Variants in CD200R1 observed in about 807,000 individuals in gnomAD.
CD200R1 encodes cell surface glycoprotein CD200 receptor 1.
In CD200R1, 30 loss-of-function variants were observed where a neutral mutation model predicts 38.1. The ratio of observed to expected loss-of-function variants is 0.79; its 90% CI spans 0.59 to 1.07. The LOEUF (loss-of-function observed/expected upper bound fraction) is 1.07, where lower values mean the gene tolerates loss of function less well. CD200R1 is among the 50% of genes least tolerant of loss of function. The probability of loss-of-function intolerance (pLI) is 0.00; values close to 1 mark genes in which losing one functional copy is unlikely to be tolerated. For synonymous variants in CD200R1, 128 were observed against 152.1 expected (o/e 0.84, Z 1.16); for missense variants, 372 against 415.4 (o/e 0.90, Z 0.91).
chr3:112,925,363 T>A (rs1455261576), intron 5 of CD200R1, among the ~76,000 whole-genome samples, 170 bp from the exon 6 acceptor site: 2 of 152,106 alleles, frequency 1.3e-5, no homozygotes, highest in African/African-American at 2.4e-5. Context: ...ACATATTGTA[T>A]GATTCCAATT....
At position 112,922,396 on chromosome 3, in the gene CD200R1, G is replaced by GGGGA. The variant is rs2107297144; in HGVS notation, c.*1277_*1280dup. 1 of 152,000 alleles carries GGGGA rather than the reference G, an allele frequency of 6.6e-6. No homozygotes were observed. The highest frequency in any genetic ancestry group is 6.6e-5 in the Admixed American group (1 of 15,240). The allele number at this position is 152,000 out of a possible 1,614,324, so 9.4% of individuals were successfully genotyped here. Reference sequence around the variant, plus strand: ...ATATTTTGCTCCACAAAAATATGGAGGGGAGGGTCATGCCATCCCATGGCC... The same window carrying GGGGA: ...ATATTTTGCTCCACAAAAATATGGAGGGGAGGGAGGGTCATGCCATCCCATGGCC... On this transcript the variant is annotated 3_prime_UTR_variant, in exon 8 of 8. Coordinates refer to ENST00000308611, the MANE Select transcript of CD200R1 (RefSeq NM_138806.4).
chr3:112,970,533 T>C (rs533014171), intron 1 of CD200R1, among the ~76,000 whole-genome samples: 1 of 152,292 alleles, frequency 6.6e-6, no homozygotes, highest in African/African-American at 2.4e-5. Flanking sequence ...CAGTCAGCAA[T>C]TGACAAATGT....
At chr3:112,955,263 T>C (rs989426141) in intron 1 of CD200R1, among the ~76,000 whole-genome samples, 20 of 152,262 alleles carry the variant, frequency 1.3e-4, no homozygotes, top group African/African-American at 4.3e-4. Flanking sequence ...TGGTCTACAA[T>C]GTAGTTTAAA....
Position 112,929,008 on chromosome 3 carries a change from C to T in CD200R1, c.577G>A (p.Val193Ile). 1 of 1,614,006 alleles carries T rather than the reference C, an allele frequency of 6.2e-7. No individual in the cohort carries two copies. Among genetic ancestry groups the T allele is most frequent in the Non-Finnish European group, 8.5e-7 (1 of 1,180,022 alleles). ...ATATGCGCAGCTGGCTTCCCTGCAA[C>T]TGCCTTGCATACTGCAGTTCTATTC... ...NRNRTAVCKAVAGKPAAHISW... is the reference protein window; with the variant it reads ...NRNRTAVCKAIAGKPAAHISW... The change falls in exon 5 of 8, where the codon GTT (valine) becomes ATT (isoleucine). Residue 193 changes from valine (V) to isoleucine (I), a missense_variant. Transcript: ENST00000308611.
chr3:112,965,060 A>G (rs1435102062), intron 1 of CD200R1, among the ~76,000 whole-genome samples: 1 of 152,206 alleles, frequency 6.6e-6, no homozygotes, highest in African/African-American at 2.4e-5. Flanking sequence ...CTGTAAGTCC[A>G]TTAAACCTCT....
At chr3:112,928,693 A>C in intron 5 of CD200R1, 123 bp downstream of exon 5, 37 of 719,572 alleles carry the variant, frequency 5.1e-5, no homozygotes, top group Non-Finnish European at 7.2e-5. Context: ...TGGTCAGGGA[A>C]GAGATAAAAA....
At chr3:112,941,666 A>G (rs1246338204) in intron 2 of CD200R1, among the ~76,000 whole-genome samples, 1 of 151,650 alleles carries the variant, frequency 6.6e-6, no homozygotes, top group Non-Finnish European at 1.5e-5. Context: ...AAATACTTTA[A>G]ATAATAATGA....
chr3:112,939,242 G>A (rs1018025121), intron 2 of CD200R1, among the ~76,000 whole-genome samples: 10 of 151,872 alleles, frequency 6.6e-5, no homozygotes, highest in Non-Finnish European at 1.5e-4. Context: ...TCTCACCCTT[G>A]TTATTCAAGA....
intron 5 of CD200R1, among the ~76,000 whole-genome samples, chr3:112,926,263 A>G (rs1940279148): frequency 6.6e-6 from 1 of 152,166 alleles, no homozygotes; most frequent in Admixed American, 6.6e-5. Flanking sequence ...GTGTTGCATG[A>G]ATATAGCTCA....
intron 1 of CD200R1, among the ~76,000 whole-genome samples, chr3:112,970,358 A>G (rs1576157411): frequency 6.6e-6 from 1 of 152,156 alleles, no homozygotes; most frequent in African/African-American, 2.4e-5. Flanking sequence ...CTGGGGGGAA[A>G]AAGGGCTGAT....
chr3:112,947,268 C>T (rs973200080), intron 2 of CD200R1, among the ~76,000 whole-genome samples: 2 of 152,050 alleles, frequency 1.3e-5, no homozygotes, highest in Non-Finnish European at 2.9e-5. Context: ...CTAATGCAAA[C>T]TTTGGACTTT....
intron 1 of CD200R1, among the ~76,000 whole-genome samples, chr3:112,959,199 T>C (rs1172407130): frequency 2.6e-5 from 4 of 152,304 alleles, no homozygotes; most frequent in South Asian, 4.1e-4. Context: ...CATACTTAAA[T>C]AGTTAACATT....
At chr3:112,961,534 C>T (rs1393402920) in intron 1 of CD200R1, among the ~76,000 whole-genome samples, 1 of 151,794 alleles carries the variant, frequency 6.6e-6, no homozygotes, top group East Asian at 1.9e-4. Context: ...CAGGACATTC[C>T]ATGCTAAAAC....
intron 2 of CD200R1, among the ~76,000 whole-genome samples, chr3:112,937,117 T>A (rs1270091778): frequency 6.6e-6 from 1 of 152,048 alleles, no homozygotes; most frequent in Non-Finnish European, 1.5e-5. Context: ...CTCAGAAAAT[T>A]TACAATCACG....
At chr3:112,972,887 T>A (rs1933345342) in intron 1 of CD200R1, among the ~76,000 whole-genome samples, 1 of 152,224 alleles carries the variant, frequency 6.6e-6, no homozygotes, top group South Asian at 2.1e-4. Flanking sequence ...CATAAAGTCA[T>A]ATTTCCCCAA....
chr3:112,945,044 A>G (rs1181035743), intron 2 of CD200R1, among the ~76,000 whole-genome samples: 2 of 152,206 alleles, frequency 1.3e-5, no homozygotes, highest in Non-Finnish European at 2.9e-5. Context: ...GAGGAAAACT[A>G]TAAAACTCTG....
chr3:112,970,161 G>A (rs1433064361), intron 1 of CD200R1, among the ~76,000 whole-genome samples: 2 of 152,088 alleles, frequency 1.3e-5, no homozygotes, highest in African/African-American at 4.8e-5. Context: ...CTGAGTGATA[G>A]ATAGAGTAAG....
At chr3:112,955,075 T>G (rs888459541) in intron 1 of CD200R1, among the ~76,000 whole-genome samples, 1 of 152,218 alleles carries the variant, frequency 6.6e-6, no homozygotes, top group African/African-American at 2.4e-5. Context: ...GTCACAGAAC[T>G]CATCAGTGTT....
intron 2 of CD200R1, among the ~76,000 whole-genome samples, chr3:112,939,836 C>A (rs1189127351): frequency 7.1e-6 from 1 of 140,262 alleles, no homozygotes; most frequent in African/African-American, 2.7e-5. Context: ...CCCGAAACAG[C>A]CAAAGCCCAT....
Sources: allele counts gnomAD v4.1 joint callset (sites outside exome capture counted in the v4.1 genomes callset), GRCh38; gene constraint gnomAD v4.1.1; transcripts MANE v1.5; gene names NCBI Gene and HGNC (gene_info 2026-07-23, HGNC 2026-07-21).